DRGX: variants seen among roughly 807,000 people sequenced by gnomAD.
The protein encoded by DRGX is dorsal root ganglia homeobox protein.
A neutral mutation model predicts 28.6 loss-of-function variants in DRGX; 21 were observed. That is an observed-to-expected ratio of 0.73 (90% CI 0.52 to 1.06). DRGX has a LOEUF of 1.06. Ranked by LOEUF, DRGX falls within the 50% of genes least tolerant of loss-of-function variation. DRGX has a pLI of 0.00. For synonymous variants in DRGX, 136 were observed against 139.1 expected, an observed-to-expected ratio of 0.98 and a Z score of 0.16; for missense variants, 354 against 343.9, an observed-to-expected ratio of 1.03 and a Z score of -0.23.
intron 6 of DRGX, among the ~76,000 whole-genome samples, chr10:49,371,771 A>G (rs1590361578): frequency 6.8e-6 from 1 of 146,510 alleles, no homozygotes; most frequent in Middle Eastern, 3.5e-3. Flanking sequence ...CAGCCTGGAC[A>G]ACAGAGTGAG....
chr10:49,385,848 A>C (rs928802196), intron 6 of DRGX, among the ~76,000 whole-genome samples: 1 of 152,044 alleles, frequency 6.6e-6, no homozygotes, highest in Admixed American at 6.5e-5. Context: ...CTGATCACTG[A>C]AGGAATAGGT....
At chr10:49,388,677 C>G (rs1332573477) in intron 4 of DRGX, among the ~76,000 whole-genome samples, 1 of 152,188 alleles carries the variant, frequency 6.6e-6, no homozygotes, top group East Asian at 1.9e-4. Flanking sequence ...ACTGACAGTT[C>G]GCCTGCTTCT....
intron 3 of DRGX, among the ~76,000 whole-genome samples, chr10:49,390,494 A>T (rs1033379958): frequency 3.9e-5 from 6 of 152,196 alleles, no homozygotes; most frequent in African/African-American, 1.4e-4. Flanking sequence ...ATTTATATGC[A>T]TTTACATTTA....
intron 6 of DRGX, among the ~76,000 whole-genome samples, chr10:49,383,360 G>T (rs1048920712): frequency 3.3e-5 from 5 of 152,302 alleles, no homozygotes; most frequent in African/African-American, 1.2e-4. Context: ...TGCTCAGAAA[G>T]GCCAGGCAGG....
chr10:49,379,244 T>C (rs17009982), intron 6 of DRGX, among the ~76,000 whole-genome samples: 3,288 of 152,328 alleles, frequency 0.022, 122 homozygotes, highest in African/African-American at 0.075. Flanking sequence ...AGCAGAGCGG[T>C]GTCTTTTGCT....
chr10:49,377,366 G>T (rs924091971), intron 6 of DRGX, among the ~76,000 whole-genome samples: 6 of 152,190 alleles, frequency 3.9e-5, no homozygotes, highest in Admixed American at 2.6e-4. Context: ...CTCATGGCAG[G>T]GGCCAGCATA....
intron 2 of DRGX, among the ~76,000 whole-genome samples, chr10:49,395,164 C>T (rs894372937): frequency 6.6e-5 from 10 of 152,210 alleles, no homozygotes; most frequent in Non-Finnish European, 1.5e-4. Flanking sequence ...CCGCGGCACG[C>T]CTAGCCCGGG....
chr10:49,386,182 C>G (rs1381920652), intron 6 of DRGX, among the ~76,000 whole-genome samples: 1 of 152,110 alleles, frequency 6.6e-6, no homozygotes, highest in African/African-American at 2.4e-5. Flanking sequence ...AACACTGTTA[C>G]CAGGGAGCAG....
chr10:49,392,220 G>A lies in DRGX; in HGVS notation c.35-959C>T, dbSNP rs563055950. Among the ~76,000 whole-genome samples, 6 of 152,328 alleles carry A rather than the reference G, an allele frequency of 3.9e-5. No individual in the cohort carries two copies. The South Asian group carries it at 1.0e-3, about 26-fold the overall frequency. On this transcript the variant is annotated intron_variant, in intron 2 of 6. Coordinates refer to ENST00000374139, the MANE Select transcript of DRGX (RefSeq NM_001276451.2). ...CCATGGGCTCTGTTCTCAGAATCAC[G>A]GCATTAGGAGTTCTGGAGCTACACT...
intron 6 of DRGX, among the ~76,000 whole-genome samples, chr10:49,371,489 A>G (rs1564704699): frequency 6.6e-6 from 1 of 151,982 alleles, no homozygotes; most frequent in African/African-American, 2.4e-5. Context: ...CCCTGTCTCT[A>G]CAAAATATAC....
intron 6 of DRGX, among the ~76,000 whole-genome samples, chr10:49,375,001 A>T (rs1348068996): frequency 6.6e-6 from 1 of 152,242 alleles, no homozygotes; most frequent in African/African-American, 2.4e-5. Context: ...TCATCACACC[A>T]GTTCCTTATA....
intron 6 of DRGX, among the ~76,000 whole-genome samples, chr10:49,370,047 GA>G (rs1415639305): frequency 1.3e-5 from 2 of 152,116 alleles, no homozygotes; most frequent in Non-Finnish European, 1.5e-5. Flanking sequence ...CTATTGGTGA[GA>G]GGGGCAGGTG....
intron 6 of DRGX, among the ~76,000 whole-genome samples, chr10:49,380,479 A>G (rs17177005): frequency 0.069 from 10,515 of 152,266 alleles, 445 homozygotes; most frequent in Middle Eastern, 0.15. Flanking sequence ...TTGTATTGGG[A>G]CAGATTTTTC....
chr10:49,391,720 TG>T (rs1257739262), intron 2 of DRGX: 3 of 461,054 alleles, frequency 6.5e-6, no homozygotes, highest in South Asian at 1.6e-5. Flanking sequence ...AATTAAAATC[TG>T]GGGGTTAGGA....
intron 6 of DRGX, among the ~76,000 whole-genome samples, chr10:49,379,951 C>A (rs1335520289): frequency 6.6e-6 from 1 of 152,244 alleles, no homozygotes; most frequent in East Asian, 1.9e-4. Context: ...GGAACCATGT[C>A]ACCTCTCCAG....
intron 6 of DRGX, among the ~76,000 whole-genome samples, chr10:49,374,464 CT>C (rs1428907394): frequency 2.6e-5 from 4 of 152,342 alleles, no homozygotes; most frequent in African/African-American, 9.6e-5. Flanking sequence ...CTTCCTCCCC[CT>C]GGCAGGCTTG....
intron 4 of DRGX, among the ~76,000 whole-genome samples, chr10:49,389,035 G>A (rs1412543363): frequency 6.6e-6 from 1 of 152,084 alleles, no homozygotes; most frequent in Admixed American, 6.5e-5. Context: ...ATCTCAATTT[G>A]CAGTTCAGTC....
chr10:49,375,605 C>T (rs761691003), intron 6 of DRGX, among the ~76,000 whole-genome samples: 8 of 152,168 alleles, frequency 5.3e-5, no homozygotes, highest in Non-Finnish European at 5.9e-5. Flanking sequence ...GCCTCTGTTT[C>T]GACAATTACT....
At position 49,374,522 on chromosome 10, in the gene DRGX, G is replaced by A. The variant is rs1849697316; in HGVS notation, c.527-8141C>T. ...AAGAGCCCTCTGGTCCTTAAATTCAGCCTGAGAACATGCTACTACCTCCTG... is the reference window on the plus strand; with the variant it reads ...AAGAGCCCTCTGGTCCTTAAATTCAACCTGAGAACATGCTACTACCTCCTG... On this transcript the variant is annotated intron_variant, in intron 6 of 6. Transcript: ENST00000374139. 2.0e-5 allele frequency among the ~76,000 whole-genome samples: 3 copies of A among 152,130 alleles called. No homozygotes were observed. The South Asian group carries it at 6.2e-4, about 32-fold the overall frequency.
Sources: allele counts gnomAD v4.1 joint callset (sites outside exome capture counted in the v4.1 genomes callset), GRCh38; gene constraint gnomAD v4.1.1; transcripts MANE v1.5; gene names NCBI Gene and HGNC (gene_info 2026-07-23, HGNC 2026-07-21).